TPTE2: variants seen among roughly 807,000 people sequenced by gnomAD.
The protein encoded by TPTE2 is transmembrane phosphoinositide 3-phosphatase and tensin homolog 2, also known as phosphatidylinositol 3,4,5-trisphosphate 3-phosphatase TPTE2.
TPTE2 carries 53 observed loss-of-function variants against 78.6 expected under a neutral mutation model. The observed-to-expected ratio is 0.67, with a 90% CI of 0.54 to 0.85. TPTE2 has a LOEUF of 0.85. Among genes scored for constraint, TPTE2 ranks in the 40% least tolerant of loss-of-function variants. The probability of loss-of-function intolerance (pLI) is 0.00; values close to 1 mark genes in which losing one functional copy is unlikely to be tolerated. For synonymous variants in TPTE2, 175 were observed against 206.2 expected (o/e 0.85, Z 1.30); for missense variants, 461 against 623.0 (o/e 0.74, Z 2.77).
At chr13:19,454,668 T>C (rs1319863047) in intron 10 of TPTE2, among the ~76,000 whole-genome samples, 1 of 152,220 alleles carries the variant, frequency 6.6e-6, no homozygotes, top group African/African-American at 2.4e-5. Context: ...TAGTACTTTG[T>C]CAATGCCCCA....
At chr13:19,437,980 A>T in intron 14 of TPTE2, 112 bp downstream of exon 17, 3 of 1,445,588 alleles carry the variant, frequency 2.1e-6, no homozygotes. Context: ...CTCTAATTAC[A>T]ATTTTACTAA....
intron 1 of TPTE2, among the ~76,000 whole-genome samples, chr13:19,527,199 T>C (rs1870558538): frequency 6.6e-6 from 1 of 152,064 alleles, no homozygotes; most frequent in African/African-American, 2.4e-5. Flanking sequence ...GGAAGAGTGG[T>C]TGGTTAATAC....
chr13:19,561,048 G>T, the TPTE2 span: 2 of 1,575,528 alleles, frequency 1.3e-6, no homozygotes, highest in African/African-American at 1.4e-5. Flanking sequence ...AGGGAGCTGA[G>T]CACCAGCTTC....
At chr13:19,502,722 G>A (rs1488998917) in intron 1 of TPTE2, among the ~76,000 whole-genome samples, 1 of 151,386 alleles carries the variant, frequency 6.6e-6, no homozygotes, top group African/African-American at 2.4e-5. Context: ...TGGGTGCAGC[G>A]CACCAGCATG....
the TPTE2 span, among the ~76,000 whole-genome samples, chr13:19,556,861 C>T: frequency 2.6e-5 from 4 of 152,180 alleles, no homozygotes; most frequent in Admixed American, 6.5e-5. Context: ...ATCACTTATA[C>T]GCTGGAGACC....
chr13:19,459,861 C>G (rs2137551245), intron 10 of TPTE2, among the ~76,000 whole-genome samples: 1 of 152,276 alleles, frequency 6.6e-6, no homozygotes, highest in South Asian at 2.1e-4. Context: ...GTGGCTGAGT[C>G]TATGAACCAC....
At chr13:19,526,647 T>C (rs2497196) in intron 1 of TPTE2, among the ~76,000 whole-genome samples, 108,462 of 139,978 alleles carry the variant, frequency 0.77, 39,475 homozygotes, top group East Asian at 0.85. Context: ...CAAAACAATC[T>C]GTGCATCAAA....
At chr13:19,498,990 G>T (rs553474330) in intron 1 of TPTE2, among the ~76,000 whole-genome samples, 4 of 151,928 alleles carry the variant, frequency 2.6e-5, no homozygotes, top group East Asian at 1.9e-4. Context: ...AAAGGCAGGG[G>T]TTGCAATACT....
intron 1 of TPTE2, among the ~76,000 whole-genome samples, chr13:19,522,850 T>A (rs1394879592): frequency 2.0e-5 from 3 of 151,932 alleles, no homozygotes; most frequent in African/African-American, 7.3e-5. Flanking sequence ...ATGGTCTCGA[T>A]CTCCTGACCT....
Position 19,435,179 on chromosome 13 carries a change from T to C in TPTE2, c.1116+1047A>G, listed in dbSNP as rs368214356. On this transcript the variant is annotated intron_variant, in intron 15 of 19. Transcript: ENST00000400230. The stretch of plus-strand genomic sequence containing the variant: ...ACCAAATGAAATGTGTGGACTTTGT[T>C]TGAATTCTGATTAAACAAACTAAAT... 2.7e-3 allele frequency among the ~76,000 whole-genome samples: 414 copies of C among 152,330 alleles called. 9 individuals are homozygous for C. In the South Asian group the frequency reaches 0.044, roughly 16 times the overall value.
At chr13:19,451,819 G>GTC (rs1243831249) in intron 10 of TPTE2, among the ~76,000 whole-genome samples, 1 of 100,490 alleles carries the variant, frequency 1.0e-5, no homozygotes. Context: ...GTGTGTGTGT[G>GTC]TGTGTGTGTG....
At chr13:19,450,211 A>G (rs2137528817) in intron 12 of TPTE2, 47 bp from the exon 16 acceptor site, 1 of 1,610,570 alleles carries the variant, frequency 6.2e-7, no homozygotes, top group East Asian at 2.2e-5. Context: ...TCAAAAAATC[A>G]AGCCCAATAT....
intron 3 of TPTE2, among the ~76,000 whole-genome samples, chr13:19,491,696 A>G (rs1170121353): frequency 1.3e-5 from 2 of 152,014 alleles, no homozygotes; most frequent in Admixed American, 1.3e-4. Context: ...ATGGTGGCAC[A>G]TGACTGCAGT....
chr13:19,482,549 T>G lies in TPTE2; in HGVS notation c.120-2A>C. 1 of 1,612,162 alleles carries G rather than the reference T, an allele frequency of 6.2e-7. No individual in the cohort carries two copies. ...AACTTGGAAAGTCGTTCTAACATAC[T>G]TTAGCCACCAAAAAAAAATGCAAAA... On this transcript the variant is annotated splice_acceptor_variant, in intron 3 of 19. Transcript: ENST00000400230. LOFTEE classifies it high-confidence loss of function.
chr13:19,550,965 G>A, the TPTE2 span, among the ~76,000 whole-genome samples: 5 of 151,690 alleles, frequency 3.3e-5, no homozygotes, highest in African/African-American at 1.2e-4. Flanking sequence ...CCTAATACTG[G>A]GTTTTCAAAT....
At chr13:19,463,381 C>A (rs982700895) in intron 10 of TPTE2, among the ~76,000 whole-genome samples, 24 of 152,212 alleles carry the variant, frequency 1.6e-4, no homozygotes, top group Non-Finnish European at 5.9e-5. Flanking sequence ...CCCATAAGAT[C>A]ATAAATTGTT....
chr13:19,479,751 C>G (rs1284199637), intron 4 of TPTE2, among the ~76,000 whole-genome samples: 1 of 152,064 alleles, frequency 6.6e-6, no homozygotes, highest in Non-Finnish European at 1.5e-5. Context: ...ATCATGAGGT[C>G]AAGAGATTGA....
chr13:19,462,663 C>T (rs554109684), intron 10 of TPTE2, among the ~76,000 whole-genome samples: 1 of 151,570 alleles, frequency 6.6e-6, no homozygotes, highest in Non-Finnish European at 1.5e-5. Flanking sequence ...GTGATTTAGC[C>T]TCCCAAGTAA....
chr13:19,503,841 C>G (rs111648999), upstream of TPTE2, among the ~76,000 whole-genome samples: 1 of 152,120 alleles, frequency 6.6e-6, no homozygotes, highest in Non-Finnish European at 1.5e-5. Flanking sequence ...CCCGGGTTCA[C>G]GCCATTCTCC....
Sources: gnomAD v4.1 joint callset for allele counts (sites outside exome capture counted in the v4.1 genomes callset) on GRCh38, gnomAD v4.1.1 for gene constraint, MANE v1.5 for transcripts, NCBI Gene and HGNC (gene_info 2026-07-23, HGNC 2026-07-21) for gene names.